GHR: variants seen among roughly 807,000 people sequenced by gnomAD.
The protein encoded by GHR is growth hormone receptor.
GHR carries 35 observed loss-of-function variants against 67.1 expected under a neutral mutation model. That is an observed-to-expected ratio of 0.52 (90% CI 0.40 to 0.69). GHR has a LOEUF of 0.69. GHR is among the 30% of genes least tolerant of loss of function. The pLI is 0.00. For synonymous variants in GHR, 272 were observed against 269.1 expected (o/e 1.01, Z -0.10); for missense variants, 792 against 764.6 (o/e 1.04, Z -0.42).
chr5:42,541,004 A>G (rs1388638278), intron 1 of GHR, among the ~76,000 whole-genome samples: 3 of 133,786 alleles, frequency 2.2e-5, no homozygotes, highest in African/African-American at 5.6e-5. Flanking sequence ...TTTGTTCCAT[A>G]TTGTTTTTTT....
intron 2 of GHR, among the ~76,000 whole-genome samples, chr5:42,597,682 G>T (rs1752148334): frequency 6.6e-6 from 1 of 152,176 alleles, no homozygotes; most frequent in Non-Finnish European, 1.5e-5. Flanking sequence ...TTGACAATCG[G>T]CTTCATTTGT....
chr5:42,481,587 C>G (rs1230510069), intron 1 of GHR, among the ~76,000 whole-genome samples: 1 of 152,132 alleles, frequency 6.6e-6, no homozygotes, highest in Non-Finnish European at 1.5e-5. Flanking sequence ...TTGTTCATTT[C>G]TTTTTATTCT....
intron 1 of GHR, among the ~76,000 whole-genome samples, chr5:42,474,911 T>G (rs1230647753): frequency 7.0e-6 from 1 of 142,388 alleles, no homozygotes; most frequent in Admixed American, 7.3e-5. Flanking sequence ...TTAAACAGAG[T>G]CTCGCTCTGT....
intron 3 of GHR, among the ~76,000 whole-genome samples, chr5:42,653,997 T>C (rs1016918685): frequency 4.6e-5 from 7 of 152,152 alleles, no homozygotes; most frequent in African/African-American, 1.7e-4. Flanking sequence ...ACTGCATATT[T>C]CCTTTTTGCC....
intron 2 of GHR, among the ~76,000 whole-genome samples, chr5:42,580,290 A>G (rs1489162351): frequency 2.0e-5 from 3 of 152,196 alleles, no homozygotes; most frequent in Admixed American, 6.5e-5. Context: ...CAATGCCTCA[A>G]TGAACAAAAG....
At chr5:42,427,504 T>G (rs1742905949) in intron 1 of GHR, among the ~76,000 whole-genome samples, 1 of 152,308 alleles carries the variant, frequency 6.6e-6, no homozygotes, top group African/African-American at 2.4e-5. Context: ...CATGTGGGAA[T>G]TATGGGAACT....
intron 1 of GHR, among the ~76,000 whole-genome samples, chr5:42,545,287 T>C (rs889334080): frequency 2.6e-5 from 4 of 152,190 alleles, no homozygotes; most frequent in East Asian, 1.9e-4. Context: ...AACAAAGAAT[T>C]GCTAAAAGCT....
chr5:42,718,754 G>C lies in GHR; in HGVS notation c.1247G>C (p.Arg416Thr), dbSNP rs755818203. 1.2e-6 allele frequency: 2 copies of C among 1,614,122 alleles called. No individual in the cohort carries two copies. The highest frequency in any genetic ancestry group is 1.7e-6 in the Non-Finnish European group (2 of 1,180,024). Residue 416 changes from arginine to threonine, a missense_variant, in exon 10 of 10, where the codon AGG (arginine) becomes ACG (threonine). Coordinates refer to ENST00000230882, the MANE Select transcript of GHR (RefSeq NM_000163.5). ...EGTSEVAQPQRLKGEADLLCL... is the reference protein window; with the variant it reads ...EGTSEVAQPQTLKGEADLLCL... ...ACCTCAGAGGTTGCTCAGCCACAGAGGTTAAAAGGGGAAGCAGATCTCTTA... is the reference window on the plus strand; with the variant it reads ...ACCTCAGAGGTTGCTCAGCCACAGACGTTAAAAGGGGAAGCAGATCTCTTA...
chr5:42,569,212 T>C (rs977043721), intron 2 of GHR, among the ~76,000 whole-genome samples: 10 of 152,242 alleles, frequency 6.6e-5, no homozygotes, highest in African/African-American at 2.4e-4. Flanking sequence ...GATGTAGATA[T>C]GAGATGTCTA....
intron 1 of GHR, among the ~76,000 whole-genome samples, chr5:42,494,197 G>A (rs1300100465): frequency 6.6e-6 from 1 of 152,076 alleles, no homozygotes; most frequent in Non-Finnish European, 1.5e-5. Context: ...TCCAAGATTG[G>A]ATTTTTAGGC....
At chr5:42,692,841 A>C (rs34885547) in intron 4 of GHR, among the ~76,000 whole-genome samples, 4 of 152,190 alleles carry the variant, frequency 2.6e-5, no homozygotes, top group Non-Finnish European at 5.9e-5. Context: ...CTTTTATACT[A>C]TCACTTATGC....
intron 3 of GHR, among the ~76,000 whole-genome samples, chr5:42,667,691 T>A (rs554850578): frequency 6.6e-6 from 1 of 152,302 alleles, no homozygotes; most frequent in African/African-American, 2.4e-5. Flanking sequence ...CATCTCAAGT[T>A]TTAATGCGCA....
chr5:42,661,325 A>G (rs1446236425), intron 3 of GHR, among the ~76,000 whole-genome samples: 5 of 152,222 alleles, frequency 3.3e-5, no homozygotes, highest in Non-Finnish European at 5.9e-5. Context: ...AGTTGAAACG[A>G]AGGAAAAAAT....
Position 42,580,633 on chromosome 5 carries a change from G to A in GHR, c.70+14689G>A, listed in dbSNP as rs538369289. Among the ~76,000 whole-genome samples the A allele has an allele frequency of 3.9e-5, 6 of 152,262 alleles. No homozygotes were observed. The South Asian group carries it at 1.2e-3, about 32-fold the overall frequency. ...ACTGTTTACTGATGAGGAAGCCGAG[G>A]CCCAGAGAATTAAACGATGTAGCCA... On this transcript the variant is annotated intron_variant, in intron 2 of 9. Coordinates refer to ENST00000230882, the MANE Select transcript of GHR (RefSeq NM_000163.5).
chr5:42,537,785 G>A (rs1161547796), intron 1 of GHR, among the ~76,000 whole-genome samples: 1 of 152,022 alleles, frequency 6.6e-6, no homozygotes, highest in Non-Finnish European at 1.5e-5. Context: ...TTGTGTTGCT[G>A]TTTCTCTCAT....
intron 2 of GHR, among the ~76,000 whole-genome samples, chr5:42,616,336 T>C (rs1451190352): frequency 2.0e-5 from 3 of 152,014 alleles, no homozygotes; most frequent in Non-Finnish European, 4.4e-5. Flanking sequence ...TGGATTGAGA[T>C]GGAACTGAAA....
intron 1 of GHR, among the ~76,000 whole-genome samples, chr5:42,502,240 T>C (rs190100997): frequency 6.6e-6 from 1 of 152,320 alleles, no homozygotes. Flanking sequence ...TTCAATGATA[T>C]AGGCACAGAA....
At chr5:42,548,718 C>T (rs1301938608) in intron 1 of GHR, among the ~76,000 whole-genome samples, 3 of 152,172 alleles carry the variant, frequency 2.0e-5, no homozygotes, top group Non-Finnish European at 4.4e-5. Context: ...CTTCCCCTTA[C>T]TTCTCTGCCC....
chr5:42,646,017 A>C (rs1327988306), intron 3 of GHR, among the ~76,000 whole-genome samples: 15 of 152,228 alleles, frequency 9.9e-5, no homozygotes, highest in Admixed American at 9.8e-4. Context: ...ATTAAAATAC[A>C]ACCAGGAGGT....
Sources: gnomAD v4.1 joint callset for allele counts (sites outside exome capture counted in the v4.1 genomes callset) on GRCh38, gnomAD v4.1.1 for gene constraint, MANE v1.5 for transcripts, NCBI Gene and HGNC (gene_info 2026-07-23, HGNC 2026-07-21) for gene names.